Variants in MROH7 observed in about 807,000 individuals in gnomAD.
The protein encoded by MROH7 is maestro heat-like repeat-containing protein family member 7.
A neutral mutation model predicts 129.2 loss-of-function variants in MROH7; 113 were observed. That is an observed-to-expected ratio of 0.87 (90% CI 0.75 to 1.02). The LOEUF (loss-of-function observed/expected upper bound fraction) is 1.02, where lower values mean the gene tolerates loss of function less well. MROH7 is among the 50% of genes least tolerant of loss of function. MROH7 has a pLI of 0.00. For missense variants in MROH7, 1,601 were observed against 1,671.3 expected, an observed-to-expected ratio of 0.96 and a Z score of 0.73; for synonymous variants, 655 against 667.9, an observed-to-expected ratio of 0.98 and a Z score of 0.30.
chr1:54,646,398 A>G (rs188994456), intron 1 of MROH7, among the ~76,000 whole-genome samples: 58 of 152,300 alleles, frequency 3.8e-4, no homozygotes, highest in Non-Finnish European at 4.4e-4. Context: ...TGCTGTCGGC[A>G]GATCTGTGTG....
chr1:54,648,038 T>G (rs914933325), intron 1 of MROH7, among the ~76,000 whole-genome samples: 13 of 152,108 alleles, frequency 8.5e-5, no homozygotes, highest in Non-Finnish European at 5.9e-5. Flanking sequence ...AACATACAAT[T>G]TATTTAATTA....
intron 4 of MROH7, among the ~76,000 whole-genome samples, chr1:54,667,474 G>A (rs552492760): frequency 6.7e-6 from 1 of 149,514 alleles, no homozygotes; most frequent in South Asian, 2.2e-4. Context: ...TTTTTTTTAA[G>A]TTGGAGTTTT....
chr1:54,674,027 G>A lies in MROH7; in HGVS notation c.1812G>A (p.Gly604=). The change falls in exon 10 of 24, where the codon GGG becomes GGA. Residue 604 remains glycine, a synonymous_variant. Transcript: ENST00000421030. ...LLTLPFFMPL[G]FPALGLLLGR... ...TGCAATACAAACAGATGCCCTTGGG[G>A]TTCCCGGCGCTGGGGCTTCTGCTGG... The A allele has an allele frequency of 6.2e-7, 1 of 1,614,056 alleles. No individual in the cohort carries two copies. The highest frequency in any genetic ancestry group is 8.5e-7 in the Non-Finnish European group (1 of 1,179,986).
chr1:54,673,768 C>T lies in MROH7; in HGVS notation c.1763C>T (p.Ser588Phe), dbSNP rs1438362742. 6.2e-7 allele frequency: 1 copy of T among 1,614,008 alleles called. No individual in the cohort carries two copies. Among genetic ancestry groups the T allele is most frequent in the Admixed American group, 1.7e-5 (1 of 60,004 alleles). Residue 588 changes from serine (S) to phenylalanine (F), a missense_variant, in exon 9 of 24, where the codon TCT (serine) becomes TTT (phenylalanine). By Grantham distance (155) the Ser-to-Phe change is radical. Coordinates refer to ENST00000421030, the MANE Select transcript of MROH7 (RefSeq NM_001039464.4). ...GCACGGGCTGTGAACACCAATGTCT[C>T]TGTGTTGAACCACATGCTTCTAACT... ...ERARAVNTNV[S>F]VLNHMLLTLP...
rs779676200 is a variant in MROH7, at chr1:54,701,159, C to A, written c.3122C>A (p.Ala1041Asp). 40 of 1,613,666 alleles carry A rather than the reference C, an allele frequency of 2.5e-5. No homozygotes were observed. The highest frequency in any genetic ancestry group is 3.4e-5 in the Non-Finnish European group (40 of 1,180,036). ...RRSEKTAKVK[A>D]LLPSMVKGLK... ...GCCCCACAGACCGCCAAGGTGAAGG[C>A]CCTCCTGCCCTCCATGGTGAAGGGC... is the stretch of plus-strand genomic sequence containing the variant. The change falls in exon 19 of 24, where the codon GCC becomes GAC. Residue 1041 changes from alanine to aspartate, a missense_variant. Ala to Asp is a moderately radical substitution (Grantham distance 126). Transcript: ENST00000421030.
intron 4 of MROH7, among the ~76,000 whole-genome samples, chr1:54,668,467 C>T (rs1343222479): frequency 6.6e-6 from 1 of 152,150 alleles, no homozygotes; most frequent in African/African-American, 2.4e-5. Context: ...AATGTGTTCT[C>T]TCTCTCAGGT....
At chr1:54,668,653 A>G (rs17110915) in intron 4 of MROH7, among the ~76,000 whole-genome samples, 2,766 of 152,254 alleles carry the variant, frequency 0.018, 84 homozygotes, top group African/African-American at 0.063. Context: ...GCTGGCATTC[A>G]GGATTAACTC....
chr1:54,693,102 C>T (rs72905823), intron 16 of MROH7, among the ~76,000 whole-genome samples: 2,327 of 152,216 alleles, frequency 0.015, 51 homozygotes, highest in African/African-American at 0.054. Flanking sequence ...GTGTTTGAGG[C>T]GGGTGGATCA....
intron 14 of MROH7, among the ~76,000 whole-genome samples, chr1:54,683,761 A>G (rs1262992328): frequency 1.3e-5 from 2 of 152,144 alleles, no homozygotes; most frequent in African/African-American, 2.4e-5. Flanking sequence ...GCCTTTGCAC[A>G]TGCTGTTTCC....
chr1:54,672,481 T>G (rs759630930), intron 7 of MROH7, among the ~76,000 whole-genome samples: 3 of 151,956 alleles, frequency 2.0e-5, no homozygotes, highest in Non-Finnish European at 2.9e-5. Flanking sequence ...AAGACAATTC[T>G]GGGATGGTGG....
intron 21 of MROH7, among the ~76,000 whole-genome samples, chr1:54,704,876 C>T (rs970152614): frequency 1.4e-5 from 2 of 140,586 alleles, no homozygotes; most frequent in Non-Finnish European, 3.0e-5. Context: ...CTCCGCTCAT[C>T]GCAACCCTCG....
chr1:54,702,411 C>T (rs644955), intron 20 of MROH7, among the ~76,000 whole-genome samples, 166 bp downstream of exon 20: 85,913 of 151,986 alleles, frequency 0.57, 25,033 homozygotes, highest in East Asian at 0.76. Context: ...TTCCTCAACA[C>T]GGCCAGCTTC....
intron 3 of MROH7, 126 bp from the exon 4 acceptor site, chr1:54,665,041 C>T: frequency 1.5e-6 from 1 of 648,352 alleles, no homozygotes; most frequent in South Asian, 2.0e-5. Flanking sequence ...GAAAAGAAAG[C>T]TCAGTGTGGC....
At chr1:54,666,617 TA>T (rs35453386) in intron 4 of MROH7, among the ~76,000 whole-genome samples, 1 of 150,050 alleles carries the variant, frequency 6.7e-6, no homozygotes, top group Non-Finnish European at 1.5e-5. Context: ...ATTTTTTTTT[TA>T]ATTTTTTGCC....
At chr1:54,671,295 G>C (rs1019641388) in intron 7 of MROH7, among the ~76,000 whole-genome samples, 1 of 152,216 alleles carries the variant, frequency 6.6e-6, no homozygotes, top group African/African-American at 2.4e-5. Context: ...AGCAACTCAG[G>C]AGGCTGAGGC....
Position 54,654,095 on chromosome 1 carries a change from T to C in MROH7, c.1169T>C (p.Leu390Pro). The C allele has an allele frequency of 6.2e-7, 1 of 1,613,982 alleles. No homozygotes were observed. Among genetic ancestry groups the C allele is most frequent in the South Asian group, 1.1e-5 (1 of 91,036 alleles). The change falls in exon 3 of 24, where the codon CTG becomes CCG. Residue 390 changes from leucine to proline, a missense_variant. By Grantham distance (98) the Leu-to-Pro change is moderately conservative. Transcript: ENST00000421030. The stretch of plus-strand genomic sequence containing the variant: ...AGCATTAAGGTGGGCCAGTTCCCGC[T>C]GGGATTCCCCATCTCCAACCCCGCA... The part of the protein sequence containing the change: ...MASIKVGQFP[L>P]GFPISNPAGK...
intron 17 of MROH7, chr1:54,699,149 TCTTTCTTTC>T (rs1645381391): frequency 1.0e-5 from 1 of 96,500 alleles, no homozygotes; most frequent in African/African-American, 4.0e-5. Flanking sequence ...TTTCTTTCTT[TCTTTCTTTC>T]TTTTCTTTCT....
chr1:54,699,127 TTTC>T lies in MROH7; in HGVS notation c.2965-1191_2965-1189del, dbSNP rs1553176888. 12 of 93,772 alleles carry T rather than the reference TTTC, an allele frequency of 1.3e-4. 1 individual carries two copies. The highest frequency in any genetic ancestry group is 2.1e-4 in the Admixed American group (2 of 9,444). The allele number at this position is 93,772 out of a possible 1,614,324, so 5.8% of individuals were successfully genotyped here. On this transcript the variant is annotated intron_variant, in intron 17 of 23. Coordinates refer to ENST00000421030, the MANE Select transcript of MROH7 (RefSeq NM_001039464.4). ...CTTTCTTTCTTTCTTTCTTTCTTTC[TTTC>T]TTTCTTTCTTTCTTTCTTTCTTTCT...
intron 10 of MROH7, among the ~76,000 whole-genome samples, chr1:54,674,666 AACTTTCCTTGATTCAGCTTCAGGGAGC>A (rs1011973048): frequency 1.3e-5 from 2 of 152,144 alleles, no homozygotes; most frequent in African/African-American, 4.8e-5. Context: ...TAGTTGGGAG[AACTTTCCTTGATTCAGCTTCAGGGAGC>A]ACTTCGTGAT....
Sources: allele counts gnomAD v4.1 joint callset (sites outside exome capture counted in the v4.1 genomes callset), GRCh38; gene constraint gnomAD v4.1.1; transcripts MANE v1.5; gene names NCBI Gene and HGNC (gene_info 2026-07-23, HGNC 2026-07-21).